The following MIPEP variants were observed in gnomAD, a reference collection of about 807,000 sequenced individuals.
MIPEP encodes the protein mitochondrial intermediate peptidase.
Under a neutral mutation model 90.3 loss-of-function variants are expected in MIPEP, and 79 were observed. The ratio of observed to expected loss-of-function variants is 0.87; its 90% CI spans 0.73 to 1.05. MIPEP has a LOEUF of 1.05. Among genes scored for constraint, MIPEP ranks in the 50% least tolerant of loss-of-function variants. The pLI is 0.00. For missense variants in MIPEP, 940 were observed against 905.6 expected (o/e 1.04, Z -0.49); for synonymous variants, 334 against 315.8 (o/e 1.06, Z -0.61).
chr13:23,763,520 T>C (rs1294717308), intron 16 of MIPEP, among the ~76,000 whole-genome samples: 1 of 152,226 alleles, frequency 6.6e-6, no homozygotes, highest in African/African-American at 2.4e-5. Flanking sequence ...TACAGCTTTG[T>C]TTTATCTTGA....
At position 23,889,226 on chromosome 13, in the gene MIPEP, C is replaced by T; in HGVS notation, c.95G>A (p.Arg32Gln). 1 of 1,416,064 alleles carries T rather than the reference C, an allele frequency of 7.1e-7. No individual in the cohort carries two copies. Among genetic ancestry groups the T allele is most frequent in the Non-Finnish European group, 9.2e-7 (1 of 1,086,554 alleles). 87.7% of individuals were successfully genotyped at this position (1,416,064 alleles called of 1,614,324 possible). A position where few individuals can be genotyped will look rare whatever the true frequency, so the allele number is the denominator to read the frequency against. ...CCAGCTGGTGCTGACCCTTCGGGCC[C>T]GGATCCCGGCTTCGAGGCTTCCCCG... is the stretch of plus-strand genomic sequence containing the variant. ...AGRGSLEAGI[R>Q]ARRVSTSWSP... Residue 32 changes from arginine (R) to glutamine (Q), a missense_variant, in exon 1 of 19, where the codon CGG (arginine) becomes CAG (glutamine). Coordinates refer to ENST00000382172, the MANE Select transcript of MIPEP (RefSeq NM_005932.4).
intron 18 of MIPEP, among the ~76,000 whole-genome samples, chr13:23,741,031 A>G (rs1570982): frequency 0.75 from 114,354 of 152,138 alleles, 43,393 homozygotes; most frequent in East Asian, 1. Context: ...CCAATCAGGC[A>G]TGGCCAGTGC....
In MIPEP at chr13:23,796,808, C is replaced by T. The variant is rs115181503; in HGVS notation, c.1848+9142G>A. 4.0e-3 allele frequency among the ~76,000 whole-genome samples: 604 copies of T among 152,302 alleles called. 2 individuals are homozygous for T. The highest frequency in any genetic ancestry group is 0.014 in the African/African-American group (584 of 41,566). On this transcript the variant is annotated intron_variant, in intron 16 of 18. Transcript: ENST00000382172. ...TACAGTGGTTACTTTCCTTTGCATA[C>T]ATAATCATGGTAACAGCAGTGTCAG... is the stretch of plus-strand genomic sequence containing the variant.
At chr13:23,734,525 T>C (rs1045174654) in intron 18 of MIPEP, among the ~76,000 whole-genome samples, 19 of 152,232 alleles carry the variant, frequency 1.2e-4, no homozygotes, top group African/African-American at 3.9e-4. Flanking sequence ...AGCATGTTTA[T>C]TTCTCTGCCT....
chr13:23,771,384 G>A (rs577322619), intron 16 of MIPEP, among the ~76,000 whole-genome samples: 121 of 152,086 alleles, frequency 8.0e-4, no homozygotes, highest in Non-Finnish European at 1.2e-3. Flanking sequence ...GATAAAAGGA[G>A]CAAGAATATT....
chr13:23,874,693 T>C (rs758121700), intron 5 of MIPEP, among the ~76,000 whole-genome samples, 153 bp downstream of exon 5: 4 of 152,192 alleles, frequency 2.6e-5, no homozygotes, highest in Non-Finnish European at 4.4e-5. Context: ...TATATTCAAA[T>C]ACAATCTAAA....
intron 7 of MIPEP, among the ~76,000 whole-genome samples, chr13:23,865,537 A>G (rs1277712798): frequency 6.6e-6 from 1 of 152,232 alleles, no homozygotes; most frequent in African/African-American, 2.4e-5. Context: ...ATTATATTCC[A>G]GGTACCATAC....
intron 18 of MIPEP, among the ~76,000 whole-genome samples, chr13:23,731,573 C>T (rs926257563): frequency 6.6e-6 from 1 of 151,494 alleles, no homozygotes; most frequent in Non-Finnish European, 1.5e-5. Context: ...TCTTTGTGAC[C>T]CTGAAGTAGG....
intron 16 of MIPEP, among the ~76,000 whole-genome samples, chr13:23,793,517 T>C (rs1172799978): frequency 6.6e-6 from 1 of 152,182 alleles, no homozygotes; most frequent in Non-Finnish European, 1.5e-5. Flanking sequence ...GTGTACTTTA[T>C]GTACATTATA....
chr13:23,798,529 C>T (rs779083873), intron 16 of MIPEP, among the ~76,000 whole-genome samples: 2 of 152,026 alleles, frequency 1.3e-5, no homozygotes, highest in Non-Finnish European at 2.9e-5. Flanking sequence ...ATAAATCCCC[C>T]GATATAGTCT....
chr13:23,792,143 T>C (rs967986170), intron 16 of MIPEP, among the ~76,000 whole-genome samples: 1 of 152,124 alleles, frequency 6.6e-6, no homozygotes, highest in Non-Finnish European at 1.5e-5. Flanking sequence ...CCAAGGCTCA[T>C]CTTTTAGACA....
chr13:23,767,113 C>T (rs1014460586), intron 16 of MIPEP, among the ~76,000 whole-genome samples: 2 of 152,136 alleles, frequency 1.3e-5, no homozygotes, highest in Non-Finnish European at 1.5e-5. Context: ...AACTGTAGGA[C>T]ATGAATTATG....
intron 16 of MIPEP, among the ~76,000 whole-genome samples, chr13:23,797,641 C>T (rs973361596): frequency 9.2e-5 from 14 of 152,204 alleles, no homozygotes; most frequent in Admixed American, 2.0e-4. Context: ...TCCAGGAAAG[C>T]TTGCTGATGC....
In MIPEP at chr13:23,756,391, G is replaced by A. The variant is rs1335008107; in HGVS notation, c.2044+154C>T. On this transcript the variant is annotated intron_variant, in intron 18 of 18. Coordinates refer to ENST00000382172, the MANE Select transcript of MIPEP (RefSeq NM_005932.4). The stretch of plus-strand genomic sequence containing the variant: ...GCTGGTCTCGAACTCCTGACCTCAG[G>A]TGATCCACCCTCCTTGGGGCCTCCC... The A allele has an allele frequency of 9.9e-6, 7 of 708,594 alleles. No homozygotes were observed. The South Asian group carries it at 1.1e-4, about 11-fold the overall frequency. 43.9% of individuals were successfully genotyped at this position (708,594 alleles called of 1,614,324 possible).
At chr13:23,820,204 T>C (rs981123575) in intron 14 of MIPEP, among the ~76,000 whole-genome samples, 3 of 152,212 alleles carry the variant, frequency 2.0e-5, no homozygotes, top group East Asian at 1.9e-4. Context: ...TCCCTTGATG[T>C]TGTCCAACTC....
Position 23,822,060 on chromosome 13 carries a change from A to G in MIPEP, c.1654-12136T>C, listed in dbSNP as rs149103665. 1.1e-3 allele frequency among the ~76,000 whole-genome samples: 171 copies of G among 152,310 alleles called. 1 individual carries two copies. Among genetic ancestry groups the G allele is most frequent in the African/African-American group, 3.9e-3 (161 of 41,556 alleles). ...CATTCACAGTGTTGGAAAAGCAATTACCCTAACAATAAATGGTGCCATTTG... is the reference window on the plus strand; with the variant it reads ...CATTCACAGTGTTGGAAAAGCAATTGCCCTAACAATAAATGGTGCCATTTG... On this transcript the variant is annotated intron_variant, in intron 14 of 18. Coordinates refer to ENST00000382172, the MANE Select transcript of MIPEP (RefSeq NM_005932.4).
chr13:23,753,402 C>A (rs1482487935), intron 18 of MIPEP, among the ~76,000 whole-genome samples: 1 of 152,122 alleles, frequency 6.6e-6, no homozygotes, highest in Non-Finnish European at 1.5e-5. Context: ...TGCTTTCTTT[C>A]TCTGGGGAAG....
intron 16 of MIPEP, among the ~76,000 whole-genome samples, chr13:23,774,665 T>A (rs1952692036): frequency 6.6e-6 from 1 of 152,166 alleles, no homozygotes; most frequent in Non-Finnish European, 1.5e-5. Context: ...CCAGATGCTA[T>A]TGTAAATAGA....
chr13:23,753,585 G>A (rs1285486458), intron 18 of MIPEP, among the ~76,000 whole-genome samples: 3 of 152,230 alleles, frequency 2.0e-5, no homozygotes, highest in East Asian at 1.9e-4. Flanking sequence ...GAGTTAGAGA[G>A]CATAGATACA....
Sources: gnomAD v4.1 joint callset for allele counts (sites outside exome capture counted in the v4.1 genomes callset) on GRCh38, gnomAD v4.1.1 for gene constraint, MANE v1.5 for transcripts, NCBI Gene and HGNC (gene_info 2026-07-23, HGNC 2026-07-21) for gene names.